The following RBM20 variants were observed in gnomAD, a reference collection of about 807,000 sequenced individuals.
RBM20 encodes the protein RNA binding motif protein 20.
A neutral mutation model predicts 110.1 loss-of-function variants in RBM20; 51 were observed. The ratio of observed to expected loss-of-function variants is 0.46; its 90% CI spans 0.37 to 0.59. The LOEUF is 0.59. Among genes scored for constraint, RBM20 ranks in the 20% least tolerant of loss-of-function variants. RBM20 has a pLI of 0.00. For missense variants in RBM20, 1,512 were observed against 1,574.9 expected (o/e 0.96, Z 0.68); for synonymous variants, 589 against 618.2 (o/e 0.95, Z 0.70).
At chr10:110,767,076 G>T (rs1237751038) in intron 1 of RBM20, among the ~76,000 whole-genome samples, 1 of 132,928 alleles carries the variant, frequency 7.5e-6, no homozygotes, top group Non-Finnish European at 1.7e-5. Context: ...TGGCCGGGCG[G>T]GGGGTGACCC....
At chr10:110,703,387 A>AAAG (rs1554891234) in intron 1 of RBM20, among the ~76,000 whole-genome samples, 2,331 of 151,732 alleles carry the variant, frequency 0.015, 26 homozygotes, top group South Asian at 0.025. Flanking sequence ...TCAAAAAAAA[A>AAAG]AAAGAAAGAA....
intron 5 of RBM20, 142 bp downstream of exon 5, chr10:110,785,031 A>G: frequency 1.6e-6 from 1 of 618,016 alleles, no homozygotes; most frequent in Non-Finnish European, 2.8e-6. Context: ...CCTGGTCCCA[A>G]GTGATCTTCC....
chr10:110,727,030 CA>C (rs1331962867), intron 1 of RBM20, among the ~76,000 whole-genome samples: 2 of 151,708 alleles, frequency 1.3e-5, no homozygotes, highest in Admixed American at 6.6e-5. Context: ...GTGTTTTTAG[CA>C]GAGACAGGGT....
At chr10:110,725,642 G>T (rs1843552274) in intron 1 of RBM20, among the ~76,000 whole-genome samples, 1 of 152,210 alleles carries the variant, frequency 6.6e-6, no homozygotes, top group Non-Finnish European at 1.5e-5. Context: ...TTGCAGAGGT[G>T]CAGGCTTTAA....
intron 1 of RBM20, among the ~76,000 whole-genome samples, chr10:110,751,427 A>G (rs1843852066): frequency 6.6e-6 from 1 of 152,250 alleles, no homozygotes; most frequent in African/African-American, 2.4e-5. Flanking sequence ...TAAAGACCAA[A>G]GAAGATAAAA....
chr10:110,823,654 G>A (rs1844946312), intron 12 of RBM20, 40 bp downstream of exon 12: 2 of 1,546,962 alleles, frequency 1.3e-6, no homozygotes, highest in Admixed American at 2.0e-5. Flanking sequence ...TTCAGGTCTA[G>A]GAAATAACAG....
In RBM20 at chr10:110,738,359, G is replaced by T. The variant is rs551598360; in HGVS notation, c.192-42442G>T. ...GCAATTATAGGCCTGAGCAGGAGGG[G>T]TCTGGGGGGAGCATGGCCTGCTGCC... On this transcript the variant is annotated intron_variant, in intron 1 of 13. Transcript: ENST00000369519. Among the ~76,000 whole-genome samples, 15 of 152,336 alleles carry T rather than the reference G, an allele frequency of 9.8e-5. No individual in the cohort carries two copies. In the South Asian group the frequency reaches 3.1e-3, roughly 32 times the overall value.
chr10:110,723,410 C>T (rs543881085), intron 1 of RBM20, among the ~76,000 whole-genome samples: 3 of 152,294 alleles, frequency 2.0e-5, no homozygotes, highest in Non-Finnish European at 2.9e-5. Context: ...GGATTTGCCT[C>T]ATCTGGACAT....
At chr10:110,749,382 A>T (rs2134982773) in intron 1 of RBM20, among the ~76,000 whole-genome samples, 1 of 152,386 alleles carries the variant, frequency 6.6e-6, no homozygotes. Context: ...AAAAAGATAC[A>T]GTTCACAATA....
chr10:110,691,252 A>G (rs1020981605), intron 1 of RBM20, among the ~76,000 whole-genome samples: 1 of 152,212 alleles, frequency 6.6e-6, no homozygotes, highest in Non-Finnish European at 1.5e-5. Flanking sequence ...TAAGAAGTAA[A>G]TGTGCGTGTT....
intron 1 of RBM20, among the ~76,000 whole-genome samples, chr10:110,680,231 G>C (rs924948917): frequency 6.6e-6 from 1 of 152,114 alleles, no homozygotes; most frequent in African/African-American, 2.4e-5. Flanking sequence ...TGGGTGGTGG[G>C]TTTGCTCCTT....
intron 1 of RBM20, among the ~76,000 whole-genome samples, chr10:110,669,109 C>G (rs1205111372): frequency 1.3e-5 from 2 of 152,162 alleles, no homozygotes; most frequent in Non-Finnish European, 2.9e-5. Flanking sequence ...GGAAAATCTT[C>G]CTTCGTTTTT....
intron 1 of RBM20, among the ~76,000 whole-genome samples, chr10:110,653,022 T>C (rs1861973917): frequency 6.6e-6 from 1 of 152,184 alleles, no homozygotes; most frequent in Non-Finnish European, 1.5e-5. Context: ...CACATTTTCT[T>C]CTCTGCTCTT....
intron 1 of RBM20, among the ~76,000 whole-genome samples, chr10:110,771,083 G>T (rs1427833416): frequency 6.6e-6 from 1 of 152,186 alleles, no homozygotes; most frequent in Non-Finnish European, 1.5e-5. Context: ...AAAACGAAGG[G>T]AGAACACACA....
At chr10:110,790,087 T>G (rs1844466088) in intron 5 of RBM20, among the ~76,000 whole-genome samples, 1 of 152,136 alleles carries the variant, frequency 6.6e-6, no homozygotes, top group South Asian at 2.1e-4. Context: ...ACCCTGCACA[T>G]TGGGGAACTT....
intron 1 of RBM20, among the ~76,000 whole-genome samples, chr10:110,720,715 T>C (rs954518570): frequency 1.3e-5 from 2 of 148,960 alleles, no homozygotes; most frequent in African/African-American, 5.0e-5. Flanking sequence ...TGCAGCCTGC[T>C]CTCCTAACCC....
At chr10:110,670,137 G>A (rs960906757) in intron 1 of RBM20, among the ~76,000 whole-genome samples, 1 of 151,928 alleles carries the variant, frequency 6.6e-6, no homozygotes, top group Non-Finnish European at 1.5e-5. Flanking sequence ...AATATTTACA[G>A]TTTGTTAAAG....
intron 1 of RBM20, among the ~76,000 whole-genome samples, chr10:110,681,999 C>T (rs766242636): frequency 2.6e-5 from 4 of 152,064 alleles, no homozygotes; most frequent in Non-Finnish European, 4.4e-5. Context: ...AGATGATTCT[C>T]CTGCCTCAGC....
intron 1 of RBM20, among the ~76,000 whole-genome samples, chr10:110,649,007 G>A (rs1006165370): frequency 6.6e-6 from 1 of 152,022 alleles, no homozygotes; most frequent in Non-Finnish European, 1.5e-5. Context: ...AGAAGAATTT[G>A]ATCACCCTTT....
Sources: allele counts gnomAD v4.1 joint callset (sites outside exome capture counted in the v4.1 genomes callset), GRCh38; gene constraint gnomAD v4.1.1; transcripts MANE v1.5; gene names NCBI Gene and HGNC (gene_info 2026-07-23, HGNC 2026-07-21).